AFAP1: variants seen among roughly 807,000 people sequenced by gnomAD.
The protein encoded by AFAP1 is actin filament-associated protein 1.
In AFAP1, 75 loss-of-function variants were observed where a neutral mutation model predicts 93.9. The ratio of observed to expected loss-of-function variants is 0.80; its 90% CI spans 0.66 to 0.97. The LOEUF (loss-of-function observed/expected upper bound fraction) is 0.97, where lower values mean the gene tolerates loss of function less well. Ranked by LOEUF, AFAP1 falls within the 50% of genes least tolerant of loss-of-function variation. AFAP1 has a pLI of 0.00. For synonymous variants in AFAP1, 517 were observed against 430.7 expected, an observed-to-expected ratio of 1.20 and a Z score of -2.48; for missense variants, 1,201 against 1,050.8, an observed-to-expected ratio of 1.14 and a Z score of -1.98.
intron 1 of AFAP1, among the ~76,000 whole-genome samples, chr4:7,908,054 A>C (rs752475819): frequency 6.6e-6 from 1 of 152,132 alleles, no homozygotes; most frequent in Non-Finnish European, 1.5e-5. Flanking sequence ...TTTACTAAAA[A>C]TGCAAAAATT....
At chr4:7,902,431 T>C (rs1243410416) in intron 1 of AFAP1, among the ~76,000 whole-genome samples, 1 of 152,170 alleles carries the variant, frequency 6.6e-6, no homozygotes, top group Non-Finnish European at 1.5e-5. Context: ...ATTTGAGTGG[T>C]CCCTTAGACA....
intron 1 of AFAP1, among the ~76,000 whole-genome samples, chr4:7,930,508 C>T (rs761302070): frequency 5.9e-5 from 9 of 152,156 alleles, no homozygotes; most frequent in East Asian, 3.9e-4. Flanking sequence ...TGGCAACCAG[C>T]CCTAATCCTG....
Position 7,872,022 on chromosome 4 carries a change from A to G in AFAP1, c.57T>C (p.Tyr19=). The G allele has an allele frequency of 6.2e-7, 1 of 1,614,138 alleles. No individual in the cohort carries two copies. Among genetic ancestry groups the G allele is most frequent in the Non-Finnish European group, 8.5e-7 (1 of 1,179,994 alleles). The change falls in exon 2 of 18, where the codon TAT becomes TAC. Residue 19 remains tyrosine, a synonymous_variant. Transcript: ENST00000420658. The stretch of plus-strand genomic sequence containing the variant: ...TTTTCTCCCTGACAGTTGAGGTTAG[A>G]TATTCATGGTCCAGGAGTTCAAGAA... The part of the protein sequence containing the change: ...RLFLELLDHE[Y]LTSTVREKKA...
chr4:7,925,889 G>T (rs1390289932), intron 1 of AFAP1, among the ~76,000 whole-genome samples: 1 of 151,412 alleles, frequency 6.6e-6, no homozygotes, highest in Non-Finnish European at 1.5e-5. Context: ...ATGTGAACTT[G>T]AACAATTTTC....
chr4:7,766,178 C>T (rs978195123), intron 17 of AFAP1, among the ~76,000 whole-genome samples: 12 of 152,178 alleles, frequency 7.9e-5, no homozygotes, highest in Non-Finnish European at 1.8e-4. Context: ...CTCTCAGACT[C>T]GGCGGAAGTG....
chr4:7,842,040 A>G (rs1483327517), intron 5 of AFAP1, among the ~76,000 whole-genome samples: 1 of 152,206 alleles, frequency 6.6e-6, no homozygotes, highest in Non-Finnish European at 1.5e-5. Context: ...AAACATTCAT[A>G]TAATATATCC....
At chr4:7,763,848 G>GCCACGCCACCAT (rs1714155510) in intron 17 of AFAP1, 57 bp from the exon 18 acceptor site, 2 of 1,531,342 alleles carry the variant, frequency 1.3e-6, no homozygotes, top group East Asian at 4.9e-5. Flanking sequence ...GCTGGGACAA[G>GCCACGCCACCAT]CCACGCCACC....
chr4:7,801,706 ACACACATACCCCTGCCTCAAAAATGT>A lies in AFAP1; in HGVS notation c.1055-1079_1055-1054del, dbSNP rs879408417. 3.4e-3 allele frequency among the ~76,000 whole-genome samples: 515 copies of A among 152,190 alleles called. 1 individual carries two copies. The highest frequency in any genetic ancestry group is 0.014 in the Middle Eastern group (4 of 294). The stretch of plus-strand genomic sequence containing the variant: ...ACTCCTTCAATTCACACATGCACAC[ACACACATACCCCTGCCTCAAAAATGT>A]CACACATACCCCTACCTCAAAAATG... On this transcript the variant is annotated intron_variant, in intron 9 of 17. Transcript: ENST00000420658.
chr4:7,871,903 A>T (rs1038971747), intron 2 of AFAP1, 49 bp downstream of exon 2: 1 of 1,579,294 alleles, frequency 6.3e-7, no homozygotes, highest in Admixed American at 2.0e-5. Context: ...GACGATTTAG[A>T]AGCCAAGACA....
At chr4:7,852,281 C>G (rs79697321) in intron 4 of AFAP1, among the ~76,000 whole-genome samples, 1 of 152,200 alleles carries the variant, frequency 6.6e-6, no homozygotes, top group Admixed American at 6.5e-5. Context: ...AAAATGCTTG[C>G]TTTCCTTCCC....
intron 1 of AFAP1, among the ~76,000 whole-genome samples, chr4:7,874,356 C>CTTTTTTTTTTTT (rs869214535): frequency 2.2e-5 from 2 of 92,440 alleles, no homozygotes; most frequent in African/African-American, 4.7e-5. Flanking sequence ...TTGCCTTTTT[C>CTTTTTTTTTTTT]TTTTTTTTTT....
intron 10 of AFAP1, among the ~76,000 whole-genome samples, chr4:7,799,753 T>A (rs1718845941): frequency 6.6e-6 from 1 of 152,162 alleles, no homozygotes; most frequent in Admixed American, 6.5e-5. Flanking sequence ...AACAGAATGT[T>A]TTCTATGATG....
intron 16 of AFAP1, among the ~76,000 whole-genome samples, chr4:7,771,398 TATATA>T (rs1715417739): frequency 6.6e-6 from 1 of 152,094 alleles, no homozygotes; most frequent in African/African-American, 2.4e-5. Context: ...ATCGTATAAA[TATATA>T]ATTGTATTTT....
chr4:7,787,791 C>T (rs547687061), intron 11 of AFAP1, among the ~76,000 whole-genome samples: 14 of 152,140 alleles, frequency 9.2e-5, no homozygotes, highest in Non-Finnish European at 2.1e-4. Flanking sequence ...GGCCTCGGGG[C>T]TCCGAGGGAC....
At chr4:7,897,040 T>G (rs1718818809) in intron 1 of AFAP1, among the ~76,000 whole-genome samples, 1 of 152,056 alleles carries the variant, frequency 6.6e-6, no homozygotes, top group African/African-American at 2.4e-5. Context: ...TAGAGACTCT[T>G]TTCTTCTCCT....
chr4:7,845,362 C>T (rs2149120556), intron 4 of AFAP1, among the ~76,000 whole-genome samples: 1 of 152,142 alleles, frequency 6.6e-6, no homozygotes, highest in East Asian at 1.9e-4. Flanking sequence ...TCCGAGGCTG[C>T]AGTGAGCTGT....
intron 3 of AFAP1, among the ~76,000 whole-genome samples, chr4:7,867,843 T>G (rs1343218121): frequency 6.6e-6 from 1 of 151,874 alleles, no homozygotes; most frequent in African/African-American, 2.4e-5. Flanking sequence ...TCTTGAGCAC[T>G]GTGGCAGGCC....
At chr4:7,868,811 A>G (rs532237097) in intron 2 of AFAP1, 92 bp from the exon 3 acceptor site, 1 of 1,071,754 alleles carries the variant, frequency 9.3e-7, no homozygotes, top group East Asian at 2.6e-5. Context: ...CCTGTGTTGA[A>G]CACTTTGCAA....
intron 11 of AFAP1, among the ~76,000 whole-genome samples, chr4:7,787,836 T>G (rs570197228): frequency 6.6e-6 from 1 of 152,150 alleles, no homozygotes; most frequent in African/African-American, 2.4e-5. Context: ...TGTGGCTTCC[T>G]GCGCTCGGTC....
Sources: allele counts gnomAD v4.1 joint callset (sites outside exome capture counted in the v4.1 genomes callset), GRCh38; gene constraint gnomAD v4.1.1; transcripts MANE v1.5; gene names NCBI Gene and HGNC (gene_info 2026-07-23, HGNC 2026-07-21).